The following LRP2 variants were observed in gnomAD, a reference collection of about 807,000 sequenced individuals.
LRP2 encodes the protein low-density lipoprotein receptor-related protein 2.
LRP2 carries 172 observed loss-of-function variants against 531.0 expected under a neutral mutation model. The ratio of observed to expected loss-of-function variants is 0.32; its 90% CI spans 0.29 to 0.37. The LOEUF (loss-of-function observed/expected upper bound fraction) is 0.37. Among genes scored for constraint, LRP2 ranks in the 10% least tolerant of loss-of-function variants. The probability of loss-of-function intolerance (pLI) is 1.00; values close to 1 mark genes in which losing one functional copy is unlikely to be tolerated. For synonymous variants in LRP2, 1,992 were observed against 2,027.6 expected, an observed-to-expected ratio of 0.98 and a Z score of 0.47; for missense variants, 5,167 against 5,868.3, an observed-to-expected ratio of 0.88 and a Z score of 3.90.
chr2:169,173,697 T>C (rs1292076093), intron 56 of LRP2, among the ~76,000 whole-genome samples: 1 of 152,200 alleles, frequency 6.6e-6, no homozygotes, highest in East Asian at 1.9e-4. Context: ...AGACATTCTA[T>C]GTATCAAAAG....
intron 1 of LRP2, among the ~76,000 whole-genome samples, chr2:169,337,016 A>G (rs180903639): frequency 2.0e-5 from 3 of 152,274 alleles, no homozygotes; most frequent in East Asian, 1.9e-4. Context: ...TTAGAGCCTT[A>G]TCTAGTTAAA....
chr2:169,247,971 T>C (rs1001030622), intron 19 of LRP2, among the ~76,000 whole-genome samples: 4 of 152,222 alleles, frequency 2.6e-5, no homozygotes, highest in Non-Finnish European at 5.9e-5. Flanking sequence ...GTTCATATTC[T>C]ATGTTTTAAT....
chr2:169,306,371 T>TA (rs2105490751), intron 4 of LRP2, among the ~76,000 whole-genome samples: 1 of 152,072 alleles, frequency 6.6e-6, no homozygotes, highest in East Asian at 1.9e-4. Flanking sequence ...CCATCTCTAC[T>TA]AAAAATACAA....
intron 48 of LRP2, 48 bp downstream of exon 48, chr2:169,191,784 C>T (rs772616593): frequency 3.2e-6 from 5 of 1,545,982 alleles, no homozygotes; most frequent in East Asian, 2.2e-5. Context: ...AGCCCAGCCC[C>T]CATGGACATT....
At chr2:169,220,084 G>T (rs1020061292) in intron 34 of LRP2, among the ~76,000 whole-genome samples, 3 of 152,072 alleles carry the variant, frequency 2.0e-5, no homozygotes, top group Admixed American at 6.6e-5. Flanking sequence ...CTACTAGAAG[G>T]CTTCTCATCC....
intron 50 of LRP2, 45 bp from the exon 51 acceptor site, chr2:169,182,364 A>C: frequency 6.2e-7 from 1 of 1,608,980 alleles, no homozygotes; most frequent in Non-Finnish European, 8.5e-7. Flanking sequence ...CACTTTGTGA[A>C]ATGGTACATA....
intron 1 of LRP2, among the ~76,000 whole-genome samples, chr2:169,324,403 A>G (rs1225127970): frequency 1.3e-5 from 2 of 152,174 alleles, no homozygotes; most frequent in African/African-American, 4.8e-5. Flanking sequence ...AATTGAGTTC[A>G]TTATTGGGCT....
chr2:169,147,713 C>T (rs1260631277), intron 68 of LRP2, among the ~76,000 whole-genome samples: 1 of 152,044 alleles, frequency 6.6e-6, no homozygotes, highest in Non-Finnish European at 1.5e-5. Context: ...TTACCTAGAC[C>T]AGGGATTGCA....
At chr2:169,168,721 A>T (rs1686882262) in intron 60 of LRP2, 45 bp from the exon 61 acceptor site, 109 of 1,609,778 alleles carry the variant, frequency 6.8e-5, no homozygotes, top group Non-Finnish European at 9.0e-5. Flanking sequence ...ATACAAATTG[A>T]CTACTTTGGG....
intron 57 of LRP2, among the ~76,000 whole-genome samples, chr2:169,172,606 C>T (rs1687046034): frequency 6.6e-6 from 1 of 152,084 alleles, no homozygotes; most frequent in Non-Finnish European, 1.5e-5. Context: ...TCTGGCTTTC[C>T]CATGTTACCA....
Position 169,239,571 on chromosome 2 carries a change from G to C in LRP2, c.4250C>G (p.Thr1417Arg). ...CCCATCACTTTCTAACATGTAGCCT[G>C]TATCACACGAGCACCGGAAAGAACC... ...MRGSFRCSCD[T>R]GYMLESDGRT... Residue 1417 changes from threonine to arginine, a missense_variant, in exon 26 of 79, where the codon ACA becomes AGA. By Grantham distance (71) the Thr-to-Arg change is moderately conservative. This residue lies in a region of LRP2 where 2,811 missense variants were observed against 3,058.0 expected (regional missense o/e 0.92). Coordinates refer to ENST00000649046, the MANE Select transcript of LRP2 (RefSeq NM_004525.3). 1.2e-6 allele frequency: 2 copies of C among 1,614,052 alleles called. No homozygotes were observed. Among genetic ancestry groups the C allele is most frequent in the Non-Finnish European group, 1.7e-6 (2 of 1,179,928 alleles).
intron 16 of LRP2, among the ~76,000 whole-genome samples, chr2:169,267,001 T>C (rs935225349): frequency 4.6e-5 from 7 of 151,112 alleles, no homozygotes; most frequent in African/African-American, 1.5e-4. Context: ...AATCCTTCCA[T>C]TGCAGCCTCC....
Position 169,206,394 on chromosome 2 carries a change from T to A in LRP2, c.7326A>T (p.Gly2442=), listed in dbSNP as rs751913322. The part of the protein sequence containing the change: ...RIYFTQNLAS[G]VGQISYATLS... ...GGGTGGCATAGGAAATCTGTCCAAC[T>A]CCAGAGGCTAAATTTTGTGTGAAGT... Residue 2442 remains glycine (G), a synonymous_variant, in exon 39 of 79, where the codon GGA becomes GGT. Transcript: ENST00000649046. 1.9e-6 allele frequency: 3 copies of A among 1,614,106 alleles called. No individual in the cohort carries two copies. The highest frequency in any genetic ancestry group is 2.5e-6 in the Non-Finnish European group (3 of 1,180,022).
chr2:169,344,229 C>T (rs1429701544), intron 1 of LRP2, among the ~76,000 whole-genome samples: 1 of 146,536 alleles, frequency 6.8e-6, no homozygotes, highest in African/African-American at 2.5e-5. Context: ...ATCAACCCGT[C>T]ATCTACACTA....
chr2:169,176,279 G>C (rs565119881), intron 54 of LRP2, 132 bp downstream of exon 54: 2 of 950,090 alleles, frequency 2.1e-6, no homozygotes, highest in African/African-American at 3.3e-5. Flanking sequence ...GAGTCTTGCT[G>C]TGTTCCACAT....
At chr2:169,294,095 A>C in intron 6 of LRP2, 53 bp downstream of exon 6, 1 of 1,328,826 alleles carries the variant, frequency 7.5e-7, no homozygotes, top group Non-Finnish European at 1.1e-6. Context: ...ACAAAACCGA[A>C]ACAAAACAAA....
At chr2:169,272,771 A>G (rs910586390) in intron 15 of LRP2, among the ~76,000 whole-genome samples, 156 bp downstream of exon 15, 2 of 152,198 alleles carry the variant, frequency 1.3e-5, no homozygotes, top group Admixed American at 6.5e-5. Flanking sequence ...GGTGCCTACC[A>G]AGGAAGATGC....
At chr2:169,189,143 A>C (rs1428353413) in intron 48 of LRP2, among the ~76,000 whole-genome samples, 2 of 152,202 alleles carry the variant, frequency 1.3e-5, no homozygotes, top group Non-Finnish European at 2.9e-5. Flanking sequence ...TCACATATGC[A>C]TCAAGGAATC....
At chr2:169,347,186 A>G (rs535464541) in intron 1 of LRP2, among the ~76,000 whole-genome samples, 5 of 152,294 alleles carry the variant, frequency 3.3e-5, no homozygotes, top group African/African-American at 1.2e-4. Context: ...ACTTTACCCT[A>G]CAGGAGTGAA....
Sources: gnomAD v4.1 joint callset for allele counts (sites outside exome capture counted in the v4.1 genomes callset) on GRCh38, gnomAD v4.1.1 for gene constraint, gnomAD v4.1.1 regional missense constraint, MANE v1.5 for transcripts, NCBI Gene and HGNC (gene_info 2026-07-23, HGNC 2026-07-21) for gene names.